The following RYR2 variants were observed in gnomAD, a reference collection of about 807,000 sequenced individuals.
RYR2 encodes cardiac muscle ryanodine receptor-calcium release channel.
RYR2 carries 227 observed loss-of-function variants against 601.1 expected under a neutral mutation model. The observed-to-expected ratio is 0.38, with a 90% CI of 0.34 to 0.42. The LOEUF (loss-of-function observed/expected upper bound fraction) is 0.42. Among genes scored for constraint, RYR2 ranks in the 10% least tolerant of loss-of-function variants. RYR2 has a pLI of 1.00. For missense variants in RYR2, 4,646 were observed against 6,156.5 expected, an observed-to-expected ratio of 0.75 and a Z score of 8.21; for synonymous variants, 2,223 against 2,175.1, an observed-to-expected ratio of 1.02 and a Z score of -0.61.
intron 29 of RYR2, among the ~76,000 whole-genome samples, chr1:237,583,822 C>G (rs942437334): frequency 6.6e-6 from 1 of 152,158 alleles, no homozygotes; most frequent in African/African-American, 2.4e-5. Flanking sequence ...ACTGCTAGCT[C>G]CTTGGCTGGA....
chr1:237,118,002 TC>T (rs1226716460), intron 1 of RYR2, among the ~76,000 whole-genome samples: 1 of 152,178 alleles, frequency 6.6e-6, no homozygotes. Context: ...CTCCTCAGCC[TC>T]CCAAAGTGTT....
At chr1:237,535,534 T>G (rs1452583385) in intron 25 of RYR2, among the ~76,000 whole-genome samples, 3 of 151,164 alleles carry the variant, frequency 2.0e-5, no homozygotes, top group Non-Finnish European at 4.4e-5. Flanking sequence ...AAACAACTTT[T>G]CTATTGATTT....
chr1:237,599,690 G>A (rs1282955328), intron 34 of RYR2, among the ~76,000 whole-genome samples: 2 of 151,928 alleles, frequency 1.3e-5, no homozygotes, highest in African/African-American at 2.4e-5. Context: ...GGGCATGGTG[G>A]CAGGCACCTG....
chr1:237,538,951 C>T (rs569100088), intron 25 of RYR2, among the ~76,000 whole-genome samples: 2 of 151,930 alleles, frequency 1.3e-5, no homozygotes, highest in Admixed American at 1.3e-4. Flanking sequence ...TTTCAAGGGA[C>T]TTAGTACTGA....
chr1:237,351,314 C>A (rs12405051), intron 3 of RYR2, among the ~76,000 whole-genome samples: 23 of 151,728 alleles, frequency 1.5e-4, no homozygotes, highest in Admixed American at 1.5e-3. Context: ...AAATATTAAA[C>A]CTGGAAAATG....
intron 27 of RYR2, among the ~76,000 whole-genome samples, chr1:237,554,436 T>A (rs1572852767): frequency 6.6e-6 from 1 of 152,072 alleles, no homozygotes; most frequent in East Asian, 1.9e-4. Flanking sequence ...TTATGGGCAA[T>A]ACACTGGTAT....
At chr1:237,618,605 C>T (rs1348965708) in intron 38 of RYR2, among the ~76,000 whole-genome samples, 1 of 152,154 alleles carries the variant, frequency 6.6e-6, no homozygotes, top group Non-Finnish European at 1.5e-5. Flanking sequence ...CAAAAGCCTC[C>T]TCTTTCTAGA....
At chr1:237,271,975 C>A (rs932253507) in intron 2 of RYR2, among the ~76,000 whole-genome samples, 1 of 151,942 alleles carries the variant, frequency 6.6e-6, no homozygotes, top group East Asian at 1.9e-4. Flanking sequence ...ATTAAAAATA[C>A]AAAAATTAGC....
At chr1:237,084,219 G>A (rs959645568) in intron 1 of RYR2, among the ~76,000 whole-genome samples, 10 of 152,254 alleles carry the variant, frequency 6.6e-5, no homozygotes, top group African/African-American at 2.2e-4. Flanking sequence ...GATGCTCATG[G>A]TATTTCAAAT....
At chr1:237,133,202 T>TG (rs1238136763) in intron 1 of RYR2, among the ~76,000 whole-genome samples, 1 of 151,632 alleles carries the variant, frequency 6.6e-6, no homozygotes, top group African/African-American at 2.4e-5. Context: ...ATTGGGGCTG[T>TG]GGGGGCTGTA....
intron 2 of RYR2, among the ~76,000 whole-genome samples, chr1:237,297,557 T>C (rs1692916345): frequency 6.6e-6 from 1 of 152,140 alleles, no homozygotes; most frequent in African/African-American, 2.4e-5. Flanking sequence ...TCCACATCAA[T>C]TGGGAGTATA....
chr1:237,157,334 GAAAGA>G (rs1210130936), intron 1 of RYR2, among the ~76,000 whole-genome samples: 1 of 129,482 alleles, frequency 7.7e-6, no homozygotes, highest in Non-Finnish European at 1.7e-5. Context: ...AAGAAAGAAA[GAAAGA>G]AAAGAAAAAG....
At chr1:237,479,773 G>T (rs577584041) in intron 17 of RYR2, among the ~76,000 whole-genome samples, 1 of 152,312 alleles carries the variant, frequency 6.6e-6, no homozygotes, top group East Asian at 1.9e-4. Flanking sequence ...GAAATCTCAA[G>T]TGAATTTAGG....
intron 1 of RYR2, among the ~76,000 whole-genome samples, chr1:237,115,123 C>T (rs1572685384): frequency 6.6e-6 from 1 of 152,074 alleles, no homozygotes; most frequent in East Asian, 1.9e-4. Flanking sequence ...TCTGTCGGTA[C>T]CTTTGCTGGC....
rs555760001 is a variant in RYR2 at position 237,122,623 on chromosome 1, A to G, written c.48+80054A>G. Among the ~76,000 whole-genome samples the G allele has an allele frequency of 4.6e-5, 7 of 152,332 alleles. No individual in the cohort carries two copies. The South Asian group carries it at 1.2e-3, about 27-fold the overall frequency. On this transcript the variant is annotated intron_variant, in intron 1 of 104. Transcript: ENST00000366574. ...CTTGAACCTAGGAGGTGGAGATTGC[A>G]GTGAGCTGAGATCGCGCCACTGCAC...
At position 237,550,598 on chromosome 1, in the gene RYR2, C is replaced by T. The variant is rs1670289698; in HGVS notation, c.3121C>T (p.Arg1041Ter). ...RLVPYTLLDDRTKKSNKDSLR... is the reference protein window; with the variant it reads ...RLVPYTLLDD ...TGTTCCCTACACTCTTCTGGATGAC[C>T]GAACCAAGAAATCCAACAAGGACAG... Residue 1041 changes from arginine to a stop codon, truncating the protein, a stop_gained, in exon 27 of 105, where the codon CGA becomes TGA. Coordinates refer to ENST00000366574, the MANE Select transcript of RYR2 (RefSeq NM_001035.3). LOFTEE classifies it high-confidence loss of function. 3.1e-6 allele frequency: 5 copies of T among 1,604,902 alleles called. No homozygotes were observed. The highest frequency in any genetic ancestry group is 4.3e-6 in the Non-Finnish European group (5 of 1,175,590).
intron 2 of RYR2, among the ~76,000 whole-genome samples, chr1:237,279,441 G>C (rs1439871099): frequency 6.6e-6 from 1 of 152,070 alleles, no homozygotes; most frequent in Non-Finnish European, 1.5e-5. Flanking sequence ...TTGCACCACT[G>C]TACTCCAGCC....
chr1:237,658,621 G>T (rs1041440940), intron 54 of RYR2, among the ~76,000 whole-genome samples: 5 of 152,136 alleles, frequency 3.3e-5, no homozygotes, highest in African/African-American at 9.7e-5. Flanking sequence ...TCCAACTGTT[G>T]TTGGCCTCAA....
chr1:237,227,722 G>A (rs1008757733), intron 1 of RYR2, among the ~76,000 whole-genome samples: 1 of 152,192 alleles, frequency 6.6e-6, no homozygotes, highest in African/African-American at 2.4e-5. Context: ...TGATGGGACG[G>A]CGGCCTGCCC....
Sources: gnomAD v4.1 joint callset for allele counts (sites outside exome capture counted in the v4.1 genomes callset) on GRCh38, gnomAD v4.1.1 for gene constraint, MANE v1.5 for transcripts, NCBI Gene and HGNC (gene_info 2026-07-23, HGNC 2026-07-21) for gene names.